Variants in NRXN1 observed in about 807,000 individuals in gnomAD.
NRXN1 encodes neurexin 1.
NRXN1 carries 39 observed loss-of-function variants against 150.9 expected under a neutral mutation model. The observed-to-expected ratio is 0.26, with a 90% CI of 0.20 to 0.34. NRXN1 has a LOEUF of 0.34. Among genes scored for constraint, NRXN1 ranks in the 10% least tolerant of loss-of-function variants. NRXN1 has a pLI of 1.00. For missense variants in NRXN1, 1,815 were observed against 1,949.9 expected, an observed-to-expected ratio of 0.93 and a Z score of 1.30; for synonymous variants, 924 against 757.0, an observed-to-expected ratio of 1.22 and a Z score of -3.62.
chr2:50,908,206 A>C (rs913060482), intron 5 of NRXN1, among the ~76,000 whole-genome samples: 5 of 152,076 alleles, frequency 3.3e-5, no homozygotes, highest in African/African-American at 1.2e-4. Context: ...TTCATGTTTT[A>C]AAGTGGGCTG....
chr2:49,922,206 G>C lies in NRXN1; in HGVS notation c.4262C>G (p.Ala1421Gly). 5.6e-6 allele frequency: 9 copies of C among 1,614,170 alleles called. No homozygotes were observed. Among genetic ancestry groups the C allele is most frequent in the Non-Finnish European group, 7.6e-6 (9 of 1,180,024 alleles). The change falls in exon 23 of 23, where the codon GCA becomes GGA. Residue 1421 changes from alanine to glycine, a missense_variant. Transcript: ENST00000401669. Reference sequence around the variant, plus strand: ...GCTGCTGGACTCCCGGATCACTTCTGCTGAGCCTGGATACGGCTCTCTGCC... The same window carrying C: ...GCTGCTGGACTCCCGGATCACTTCTCCTGAGCCTGGATACGGCTCTCTGCC... The part of the protein sequence containing the change: ...AGGREPYPGS[A>G]EVIRESSSTT...
At chr2:50,239,696 A>T (rs866221082) in intron 17 of NRXN1, among the ~76,000 whole-genome samples, 1 of 109,516 alleles carries the variant, frequency 9.1e-6, no homozygotes, top group African/African-American at 4.4e-5. Context: ...ATATATATAT[A>T]TATATATATA....
chr2:50,489,222 T>A (rs895225631), intron 15 of NRXN1, among the ~76,000 whole-genome samples: 1 of 152,192 alleles, frequency 6.6e-6, no homozygotes, highest in Non-Finnish European at 1.5e-5. Flanking sequence ...CCTGTGGCTG[T>A]CAGAGTTCAG....
chr2:50,569,991 A>G (rs1260872379), intron 8 of NRXN1, among the ~76,000 whole-genome samples: 2 of 152,214 alleles, frequency 1.3e-5, no homozygotes, highest in African/African-American at 4.8e-5. Flanking sequence ...GCTCTCAAGT[A>G]ACTACTGTTG....
intron 15 of NRXN1, among the ~76,000 whole-genome samples, chr2:50,493,579 C>T (rs1482543739): frequency 6.6e-6 from 1 of 152,208 alleles, no homozygotes; most frequent in African/African-American, 2.4e-5. Context: ...CACAGCCACC[C>T]TTACCCAAAG....
chr2:50,021,875 G>A (rs774055239), intron 21 of NRXN1, among the ~76,000 whole-genome samples: 11 of 152,070 alleles, frequency 7.2e-5, no homozygotes, highest in Non-Finnish European at 1.3e-4. Flanking sequence ...TTTAGAGATG[G>A]AGTCTCGTTC....
In NRXN1 at chr2:50,346,861, C is replaced by A. The variant is rs758537751; in HGVS notation, c.3365-109891G>T. ...CGGGACTATCCAAAGCAGGGCCAGG[C>A]GCCCCCCTGCGCCGCCGCCGCCGCC... On this transcript the variant is annotated intron_variant, in intron 17 of 22. Coordinates refer to ENST00000401669, the MANE Select transcript of NRXN1 (RefSeq NM_001330078.2). This position sits in a 1 kb window ranked among gnomAD's most constrained non-coding sequence, Gnocchi z 5.0. The A allele has an allele frequency of 6.4e-6, 9 of 1,400,244 alleles. No individual in the cohort carries two copies. Among genetic ancestry groups the A allele is most frequent in the Non-Finnish European group, 8.4e-6 (9 of 1,077,748 alleles). 86.7% of individuals were successfully genotyped at this position (1,400,244 alleles called of 1,614,324 possible). A position where few individuals can be genotyped will look rare whatever the true frequency, so the allele number is the denominator to read the frequency against.
intron 2 of NRXN1, among the ~76,000 whole-genome samples, chr2:50,974,879 T>G (rs1013277197): frequency 6.6e-6 from 1 of 152,130 alleles, no homozygotes. Flanking sequence ...TCCCTTACTA[T>G]ATAAAATGTA....
At chr2:50,850,504 TCA>T (rs1338339300) in intron 5 of NRXN1, among the ~76,000 whole-genome samples, 1 of 152,128 alleles carries the variant, frequency 6.6e-6, no homozygotes, top group African/African-American at 2.4e-5. Flanking sequence ...CACAGTAGGC[TCA>T]GAGTCCTTCT....
intron 21 of NRXN1, among the ~76,000 whole-genome samples, chr2:49,955,644 ATCTC>A (rs1359256034): frequency 6.6e-6 from 1 of 151,872 alleles, no homozygotes; most frequent in Non-Finnish European, 1.5e-5. Context: ...TTCCTCAACT[ATCTC>A]TATCTCTTAC....
intron 18 of NRXN1, among the ~76,000 whole-genome samples, chr2:50,195,237 C>A (rs2061682777): frequency 6.6e-6 from 1 of 152,184 alleles, no homozygotes; most frequent in South Asian, 2.1e-4. Flanking sequence ...GCTGGAGAAG[C>A]TGCTTGGGTC....
At chr2:50,907,706 G>C (rs1156564067) in intron 5 of NRXN1, among the ~76,000 whole-genome samples, 2 of 151,958 alleles carry the variant, frequency 1.3e-5, no homozygotes, top group East Asian at 3.9e-4. Context: ...AAAGAAAGGA[G>C]TCACCAGCCA....
intron 2 of NRXN1, among the ~76,000 whole-genome samples, chr2:50,998,020 G>C (rs1181644292): frequency 7.1e-6 from 1 of 141,410 alleles, no homozygotes; most frequent in Non-Finnish European, 1.5e-5. Context: ...GCCAAATTTA[G>C]TCTGGGAAAT....
chr2:50,579,382 A>G (rs1009370077), intron 8 of NRXN1, among the ~76,000 whole-genome samples: 2 of 152,208 alleles, frequency 1.3e-5, no homozygotes, highest in African/African-American at 4.8e-5. Flanking sequence ...AGTGTGATGC[A>G]GGGCATGGTG....
chr2:50,826,507 T>C (rs989697823), intron 5 of NRXN1, among the ~76,000 whole-genome samples: 10 of 152,082 alleles, frequency 6.6e-5, no homozygotes, highest in Admixed American at 3.9e-4. Flanking sequence ...GCCTGACTAA[T>C]GCATCACCTG....
intron 21 of NRXN1, among the ~76,000 whole-genome samples, chr2:49,986,778 A>C (rs573762988): frequency 6.6e-6 from 1 of 152,130 alleles, no homozygotes; most frequent in Admixed American, 6.5e-5. Flanking sequence ...GAAAATATAC[A>C]TTAGGTTGGG....
intron 18 of NRXN1, among the ~76,000 whole-genome samples, chr2:50,098,205 A>T (rs1039050943): frequency 6.6e-6 from 1 of 152,186 alleles, no homozygotes; most frequent in Non-Finnish European, 1.5e-5. Context: ...AAAGTATGTA[A>T]TATGCACCCA....
chr2:50,806,371 G>A (rs1667509786), intron 5 of NRXN1, among the ~76,000 whole-genome samples: 1 of 152,004 alleles, frequency 6.6e-6, no homozygotes, highest in South Asian at 2.1e-4. Flanking sequence ...TCATTATTTT[G>A]TTAGTAAACC....
At chr2:50,127,123 C>T (rs1420823781) in intron 18 of NRXN1, among the ~76,000 whole-genome samples, 3 of 152,148 alleles carry the variant, frequency 2.0e-5, no homozygotes, top group African/African-American at 4.8e-5. Context: ...TCCCCAGTCA[C>T]TCTTGGTGCC....
Sources: allele counts gnomAD v4.1 joint callset (sites outside exome capture counted in the v4.1 genomes callset), GRCh38; gene constraint gnomAD v4.1.1; non-coding constraint Gnocchi (gnomAD v3.1); transcripts MANE v1.5; gene names NCBI Gene and HGNC (gene_info 2026-07-23, HGNC 2026-07-21).